The following IQCK variants were observed in gnomAD, a reference collection of about 807,000 sequenced individuals.
IQCK encodes IQ motif containing K, also known as IQ domain-containing protein K.
In IQCK, 29 loss-of-function variants were observed where a neutral mutation model predicts 28.1. That is an observed-to-expected ratio of 1.03 (90% CI 0.77 to 1.41). The LOEUF (loss-of-function observed/expected upper bound fraction) is 1.41, where lower values mean the gene tolerates loss of function less well. Among genes scored for constraint, IQCK ranks in the 40% most tolerant of loss-of-function variants. The probability of loss-of-function intolerance (pLI) is 0.00; values close to 1 mark genes in which losing one functional copy is unlikely to be tolerated. For missense variants in IQCK, 359 were observed against 314.7 expected, an observed-to-expected ratio of 1.14 and a Z score of -1.07; for synonymous variants, 113 against 115.1, an observed-to-expected ratio of 0.98 and a Z score of 0.12.
intron 4 of IQCK, among the ~76,000 whole-genome samples, chr16:19,753,247 C>CAA (rs562470295): frequency 2.4e-5 from 3 of 122,590 alleles, no homozygotes; most frequent in Non-Finnish European, 5.3e-5. Context: ...CCTATCTCTA[C>CAA]AAAAAAAAAA....
downstream of IQCK, among the ~76,000 whole-genome samples, chr16:19,829,109 CT>C (rs2056195595): frequency 6.7e-6 from 1 of 150,344 alleles, no homozygotes; most frequent in African/African-American, 2.4e-5. Flanking sequence ...TGGAACCACA[CT>C]GTTGGAATCT....
At chr16:19,775,575 A>G (rs1192348670) in intron 6 of IQCK, among the ~76,000 whole-genome samples, 2 of 152,212 alleles carry the variant, frequency 1.3e-5, no homozygotes, top group African/African-American at 2.4e-5. Flanking sequence ...GCTAGGTTGC[A>G]GTTATAAACA....
At chr16:19,762,577 CA>C (rs887527670) in intron 4 of IQCK, among the ~76,000 whole-genome samples, 3 of 152,132 alleles carry the variant, frequency 2.0e-5, no homozygotes, top group African/African-American at 4.8e-5. Flanking sequence ...TTATAAATCT[CA>C]TAAAGGATTC....
chr16:19,767,460 C>T (rs1252524554), intron 6 of IQCK, among the ~76,000 whole-genome samples: 1 of 152,174 alleles, frequency 6.6e-6, no homozygotes, highest in Non-Finnish European at 1.5e-5. Flanking sequence ...TCAGCGGCCA[C>T]AGCTTTCCTC....
At chr16:19,817,295 T>C (rs2056001834) in intron 7 of IQCK, among the ~76,000 whole-genome samples, 1 of 152,196 alleles carries the variant, frequency 6.6e-6, no homozygotes. Context: ...CCATGGTATT[T>C]GCTGATTGGC....
At chr16:19,731,412 G>A (rs977724663) in intron 2 of IQCK, among the ~76,000 whole-genome samples, 1 of 152,204 alleles carries the variant, frequency 6.6e-6, no homozygotes, top group Non-Finnish European at 1.5e-5. Flanking sequence ...AGCTGCCTCT[G>A]ACAGAGACAT....
chr16:19,769,226 A>G (rs1212835767), intron 6 of IQCK, among the ~76,000 whole-genome samples: 3 of 152,184 alleles, frequency 2.0e-5, no homozygotes, highest in Non-Finnish European at 4.4e-5. Flanking sequence ...ATCACATGCT[A>G]TTAGAAGCAG....
chr16:19,777,174 G>T, intron 6 of IQCK, among the ~76,000 whole-genome samples: 1 of 151,868 alleles, frequency 6.6e-6, no homozygotes, highest in African/African-American at 2.4e-5. Context: ...TTTCAGCTAA[G>T]TTTTATCCTT....
At chr16:19,738,204 ATAAG>A (rs1679609082) in intron 4 of IQCK, among the ~76,000 whole-genome samples, 2 of 152,314 alleles carry the variant, frequency 1.3e-5, no homozygotes, top group South Asian at 4.1e-4. Flanking sequence ...TAAATATTAA[ATAAG>A]TGAATGCATG....
intron 7 of IQCK, among the ~76,000 whole-genome samples, chr16:19,822,672 G>C (rs2056091101): frequency 1.3e-5 from 2 of 152,138 alleles, no homozygotes; most frequent in Admixed American, 1.3e-4. Context: ...GTCTGTGGTT[G>C]GCTGGGGTAG....
chr16:19,827,828 A>C (rs772432414), downstream of IQCK, among the ~76,000 whole-genome samples: 14 of 151,862 alleles, frequency 9.2e-5, no homozygotes, highest in Non-Finnish European at 2.1e-4. Context: ...AATCTACACT[A>C]TTGGTTCTCT....
At chr16:19,814,816 C>G (rs1379781823) in intron 7 of IQCK, among the ~76,000 whole-genome samples, 57 of 133,806 alleles carry the variant, frequency 4.3e-4, no homozygotes, top group Admixed American at 3.9e-4. Flanking sequence ...GAGACAGGGT[C>G]TCAGTCTGCT....
chr16:19,748,072 C>CTTTTTTTT (rs61573221), intron 4 of IQCK, among the ~76,000 whole-genome samples: 31 of 117,182 alleles, frequency 2.6e-4, no homozygotes, highest in African/African-American at 1.0e-3. Context: ...GGCTCAAATT[C>CTTTTTTTT]TTTTTTTTTT....
rs1977979532 is a variant in IQCK, at chr16:19,735,362, A to G, written c.386A>G (p.Lys129Arg). ...TGTTTGTTTGTTTTAGGTTCTCCCA[A>G]AGAATATTTGGAAACTTTCATCTTT... Residue 129 changes from lysine to arginine, a missense_variant, in exon 4 of 8, where the codon AAA (lysine) becomes AGA (arginine). By Grantham distance (26) the Lys-to-Arg change is conservative. Transcript: ENST00000564186. 1.2e-6 allele frequency: 2 copies of G among 1,613,518 alleles called. No homozygotes were observed. The highest frequency in any genetic ancestry group is 2.2e-5 in the East Asian group (1 of 44,874).
intron 1 of IQCK, among the ~76,000 whole-genome samples, chr16:19,724,206 C>T (rs1977583706): frequency 6.6e-6 from 1 of 152,140 alleles, no homozygotes; most frequent in Non-Finnish European, 1.5e-5. Flanking sequence ...AGACTCAGTC[C>T]ACGTGGCCCC....
chr16:19,841,892 C>T (rs189070288), intron 9 of IQCK, among the ~76,000 whole-genome samples: 11 of 150,376 alleles, frequency 7.3e-5, no homozygotes, highest in Non-Finnish European at 1.5e-4. Flanking sequence ...GTCACCCAAG[C>T]TGGAGTTCAG....
At position 19,793,663 on chromosome 16, in the gene IQCK, T is replaced by G. The variant is rs1265793582; in HGVS notation, c.690+4741T>G. 5.3e-5 allele frequency among the ~76,000 whole-genome samples: 7 copies of G among 133,088 alleles called. 1 individual carries two copies. Among genetic ancestry groups the G allele is most frequent in the African/African-American group, 1.6e-4 (5 of 30,318 alleles). The allele number at this position is 133,088 out of a possible 152,430, so 87.3% of individuals were successfully genotyped here. ...GTTGGGTTTTTTTTTTTTTTTTTTT[T>G]TTTTTTTTTTGTGAAATTAACAAGC... is the stretch of plus-strand genomic sequence containing the variant. On this transcript the variant is annotated intron_variant, in intron 7 of 7. Coordinates refer to ENST00000564186, the Ensembl canonical transcript of IQCK.
rs140573364 is a variant in IQCK, at chr16:19,782,449, G to A, written c.606-6389G>A. ...AACCTGGGCAACATAGTGAGACCCT[G>A]TCTCTACAAAAATACCAAAAAAAAA... On this transcript the variant is annotated intron_variant, in intron 6 of 7. Coordinates refer to ENST00000564186, the Ensembl canonical transcript of IQCK. 7.6e-3 allele frequency among the ~76,000 whole-genome samples: 1,146 copies of A among 151,724 alleles called. 10 individuals are homozygous for A. The highest frequency in any genetic ancestry group is 0.026 in the African/African-American group (1,077 of 41,346).
intron 6 of IQCK, among the ~76,000 whole-genome samples, chr16:19,780,576 G>A (rs1008767324): frequency 1.9e-4 from 29 of 152,130 alleles, no homozygotes; most frequent in African/African-American, 3.1e-4. Context: ...CAGGGGTCCC[G>A]GAACTTGGAA....
Sources: allele counts gnomAD v4.1 joint callset (sites outside exome capture counted in the v4.1 genomes callset), GRCh38; gene constraint gnomAD v4.1.1; transcripts MANE v1.5; gene names NCBI Gene and HGNC (gene_info 2026-07-23, HGNC 2026-07-21).